Variants in SPACA9 observed in about 807,000 individuals in gnomAD.
The protein encoded by SPACA9 is sperm acrosome associated 9.
SPACA9 carries 14 observed loss-of-function variants against 12.5 expected under a neutral mutation model. The observed-to-expected ratio is 1.12, with a 90% CI of 0.74 to 1.75. The LOEUF is 1.75. Among genes scored for constraint, SPACA9 ranks in the 40% most tolerant of loss-of-function variants. The pLI is 0.00. For missense variants in SPACA9, 292 were observed against 291.9 expected (o/e 1.00, Z 0.00); for synonymous variants, 111 against 114.1 (o/e 0.97, Z 0.17).
Position 132,887,621 on chromosome 9 carries a change from G to A in SPACA9, c.347+50G>A, listed in dbSNP as rs749466638. 1 of 1,520,970 alleles carries A rather than the reference G, an allele frequency of 6.6e-7. No individual in the cohort carries two copies. Among genetic ancestry groups the A allele is most frequent in the East Asian group, 2.2e-5 (1 of 44,474 alleles). 94.2% of individuals were successfully genotyped at this position (1,520,970 alleles called of 1,614,324 possible). On this transcript the variant is annotated intron_variant, in intron 3 of 3. Transcript: ENST00000356311. The surrounding 1 kb of genome is among the most constrained non-coding windows in gnomAD (Gnocchi z 5.4). ...GAGGCCCCGTGTGTGCCTGTGGGGA[G>A]GCCTCTGTCCTGCTTCTTTCCTGTT... is the stretch of plus-strand genomic sequence containing the variant.
chr9:132,883,218 G>A (rs987397586), intron 1 of SPACA9, among the ~76,000 whole-genome samples: 2 of 152,138 alleles, frequency 1.3e-5, no homozygotes, highest in African/African-American at 4.8e-5. Flanking sequence ...AGGGTCAGGG[G>A]GCAGTCCACT....
upstream of SPACA9, chr9:132,878,378 C>T: frequency 8.0e-7 from 1 of 1,246,902 alleles, no homozygotes; most frequent in South Asian, 3.9e-5. The surrounding 1 kb of genome is among the most constrained non-coding windows in gnomAD (Gnocchi z 4.7). Flanking sequence ...ATACCCGATC[C>T]TCGGTCGCGC....
chr9:132,881,356 T>C (rs941052406), intron 1 of SPACA9, among the ~76,000 whole-genome samples: 1 of 148,736 alleles, frequency 6.7e-6, no homozygotes, highest in African/African-American at 2.5e-5. Context: ...AGGTCCCAGC[T>C]ACTCAAGAGG....
chr9:132,888,688 G>C lies in SPACA9; in HGVS notation c.*77G>C. The C allele has an allele frequency of 6.8e-7, 1 of 1,461,772 alleles. No homozygotes were observed. Among genetic ancestry groups the C allele is most frequent in the Non-Finnish European group, 9.0e-7 (1 of 1,105,874 alleles). The allele number at this position is 1,461,772 out of a possible 1,614,324, so 90.6% of individuals were successfully genotyped here. Reference sequence around the variant, plus strand: ...TTACTGGTTGGTCCTTTTTTCACTGGTACCCATGGACCCTGCCACTTACTA... The same window carrying C: ...TTACTGGTTGGTCCTTTTTTCACTGCTACCCATGGACCCTGCCACTTACTA... On this transcript the variant is annotated 3_prime_UTR_variant, in exon 4 of 4. Coordinates refer to ENST00000356311, the MANE Select transcript of SPACA9 (RefSeq NM_001316897.2). This position sits in a 1 kb window ranked among gnomAD's most constrained non-coding sequence, Gnocchi z 5.0.
At chr9:132,878,376 TC>T (rs1360132378), upstream of SPACA9, 1 of 1,245,382 alleles carries the variant, frequency 8.0e-7, no homozygotes, top group Non-Finnish European at 1.0e-6. This position sits in a 1 kb window ranked among gnomAD's most constrained non-coding sequence, Gnocchi z 4.7. Context: ...AGATACCCGA[TC>T]CTCGGTCGCG....
intron 1 of SPACA9, among the ~76,000 whole-genome samples, chr9:132,882,368 C>T (rs974375234): frequency 4.9e-4 from 75 of 152,242 alleles, no homozygotes; most frequent in African/African-American, 1.7e-3. Context: ...CATCATCTCG[C>T]GGAGGCCATC....
In SPACA9 at chr9:132,888,197, G is replaced by A; in HGVS notation, c.348-93G>A. Reference sequence around the variant, plus strand: ...GTGTCCAGTTCTAAAGCCTCCCCAGGTGACTCTGCTGTGCCTGAGGTGTGG... The same window carrying A: ...GTGTCCAGTTCTAAAGCCTCCCCAGATGACTCTGCTGTGCCTGAGGTGTGG... On this transcript the variant is annotated intron_variant, in intron 3 of 3. Transcript: ENST00000356311. The surrounding 1 kb of genome is among the most constrained non-coding windows in gnomAD (Gnocchi z 5.0). The A allele has an allele frequency of 6.5e-7, 1 of 1,531,072 alleles. No homozygotes were observed. 94.8% of individuals were successfully genotyped at this position (1,531,072 alleles called of 1,614,324 possible). A position where few individuals can be genotyped will look rare whatever the true frequency, so the allele number is the denominator to read the frequency against.
At position 132,888,734 on chromosome 9, in the gene SPACA9, T is replaced by C; in HGVS notation, c.*123T>C. 7.0e-7 allele frequency: 1 copy of C among 1,435,686 alleles called. No homozygotes were observed. The highest frequency in any genetic ancestry group is 9.1e-7 in the Non-Finnish European group (1 of 1,094,996). 88.9% of individuals were successfully genotyped at this position (1,435,686 alleles called of 1,614,324 possible). On this transcript the variant is annotated 3_prime_UTR_variant, in exon 4 of 4. Transcript: ENST00000356311. The surrounding 1 kb of genome is among the most constrained non-coding windows in gnomAD (Gnocchi z 5.0). The stretch of plus-strand genomic sequence containing the variant: ...TACTAACCCCAAGGGAATCAGCCAA[T>C]ATATTACTGAGACTTCCTCTCTCTC...
At position 132,879,653 on chromosome 9, in the gene SPACA9, A is replaced by G. The variant is rs1006327170; in HGVS notation, c.-38+639A>G. Among the ~76,000 whole-genome samples the G allele has an allele frequency of 3.9e-5, 6 of 152,196 alleles. 1 individual carries two copies. The highest frequency in any genetic ancestry group is 1.4e-4 in the African/African-American group (6 of 41,444). On this transcript the variant is annotated intron_variant, in intron 1 of 3. Coordinates refer to ENST00000356311, the MANE Select transcript of SPACA9 (RefSeq NM_001316897.2). ...GATGAGAAGTTGGAGGATTAGAACA[A>G]TGAGGAGTGGTTGGCTGGGTAACTT...
At position 132,888,714 on chromosome 9, in the gene SPACA9, A is replaced by G; in HGVS notation, c.*103A>G. 6.9e-7 allele frequency: 1 copy of G among 1,445,698 alleles called. No homozygotes were observed. Among genetic ancestry groups the G allele is most frequent in the Non-Finnish European group, 9.1e-7 (1 of 1,098,866 alleles). 89.6% of individuals were successfully genotyped at this position (1,445,698 alleles called of 1,614,324 possible). A position where few individuals can be genotyped will look rare whatever the true frequency, so the allele number is the denominator to read the frequency against. On this transcript the variant is annotated 3_prime_UTR_variant, in exon 4 of 4. Coordinates refer to ENST00000356311, the MANE Select transcript of SPACA9 (RefSeq NM_001316897.2). This position sits in a 1 kb window ranked among gnomAD's most constrained non-coding sequence, Gnocchi z 5.0. ...TACCCATGGACCCTGCCACTTACTAACCCCAAGGGAATCAGCCAATATATT... is the reference window on the plus strand; with the variant it reads ...TACCCATGGACCCTGCCACTTACTAGCCCCAAGGGAATCAGCCAATATATT...
intron 1 of SPACA9, 93 bp from the exon 2 acceptor site, chr9:132,883,818 T>C (rs1292321674): frequency 4.0e-6 from 4 of 1,002,822 alleles, no homozygotes; most frequent in Non-Finnish European, 6.2e-6. Flanking sequence ...AGAGGGGCCA[T>C]GGGTATCCCT....
chr9:132,881,687 G>A (rs1244469621), intron 1 of SPACA9, among the ~76,000 whole-genome samples: 2 of 150,904 alleles, frequency 1.3e-5, no homozygotes, highest in Non-Finnish European at 3.0e-5. Flanking sequence ...TTTGAGACAG[G>A]GTCTCACTGT....
chr9:132,885,092 G>A (rs980637831), intron 2 of SPACA9, among the ~76,000 whole-genome samples: 1 of 151,676 alleles, frequency 6.6e-6, no homozygotes, highest in African/African-American at 2.4e-5. Context: ...CAGCCTGGGC[G>A]ACAGAGTGAG....
downstream of SPACA9, chr9:132,890,176 C>T (rs1049769295): frequency 3.2e-5 from 13 of 410,476 alleles, no homozygotes; most frequent in African/African-American, 1.6e-4. Flanking sequence ...TGTCTCAAGT[C>T]GGCTTCTAAG....
chr9:132,888,654 A>G lies in SPACA9; in HGVS notation c.*43A>G. ...CGTCGGCGGAGAGCTTTGCTGTTTA[A>G]TTTGGATTTTACTGGTTGGTCCTTT... On this transcript the variant is annotated 3_prime_UTR_variant, in exon 4 of 4. Coordinates refer to ENST00000356311, the MANE Select transcript of SPACA9 (RefSeq NM_001316897.2). The surrounding 1 kb of genome is among the most constrained non-coding windows in gnomAD (Gnocchi z 5.0). 1 of 1,482,114 alleles carries G rather than the reference A, an allele frequency of 6.7e-7. No homozygotes were observed. Among genetic ancestry groups the G allele is most frequent in the South Asian group, 1.4e-5 (1 of 72,036 alleles). The allele number at this position is 1,482,114 out of a possible 1,614,324, so 91.8% of individuals were successfully genotyped here. A position where few individuals can be genotyped will look rare whatever the true frequency, so the allele number is the denominator to read the frequency against.
chr9:132,883,802 C>T, intron 1 of SPACA9, 109 bp from the exon 2 acceptor site: 2 of 858,538 alleles, frequency 2.3e-6, no homozygotes, highest in Non-Finnish European at 3.7e-6. Flanking sequence ...ACAAGGCGCT[C>T]CAGTGAGAGG....
At position 132,887,328 on chromosome 9, in the gene SPACA9, G is replaced by C. The variant is rs1458708194; in HGVS notation, c.145-41G>C. 1 of 1,586,292 alleles carries C rather than the reference G, an allele frequency of 6.3e-7. No homozygotes were observed. Among genetic ancestry groups the C allele is most frequent in the Non-Finnish European group, 8.6e-7 (1 of 1,165,000 alleles). On this transcript the variant is annotated intron_variant, in intron 2 of 3. Coordinates refer to ENST00000356311, the MANE Select transcript of SPACA9 (RefSeq NM_001316897.2). The surrounding 1 kb of genome is among the most constrained non-coding windows in gnomAD (Gnocchi z 5.4). ...TGCACCATAAGCCAGCCAGGACCCG[G>C]GTTGGCATGTCCCCAGCTCATGTGG... is the stretch of plus-strand genomic sequence containing the variant.
At position 132,889,301 on chromosome 9, in the gene SPACA9, C is replaced by G. The variant is rs979463126; in HGVS notation, c.*690C>G. 4 of 985,640 alleles carry G rather than the reference C, an allele frequency of 4.1e-6. No homozygotes were observed. The African/African-American group carries it at 7.0e-5, about 17-fold the overall frequency. 61.1% of individuals were successfully genotyped at this position (985,640 alleles called of 1,614,324 possible). The stretch of plus-strand genomic sequence containing the variant: ...TGATCAAGCTGGAGACCATCTGCTC[C>G]TTGCCCCACCACCAGCCCCAACTGT... On this transcript the variant is annotated 3_prime_UTR_variant, in exon 4 of 4. Transcript: ENST00000356311.
intron 2 of SPACA9, among the ~76,000 whole-genome samples, chr9:132,886,798 C>G (rs1294895374): frequency 1.3e-5 from 2 of 151,678 alleles, no homozygotes; most frequent in Non-Finnish European, 2.9e-5. Context: ...CCCATCCATC[C>G]GTCCATTTAA....
Sources: gnomAD v4.1 joint callset for allele counts (sites outside exome capture counted in the v4.1 genomes callset) on GRCh38, gnomAD v4.1.1 for gene constraint, Gnocchi (gnomAD v3.1) non-coding constraint, MANE v1.5 for transcripts, NCBI Gene and HGNC (gene_info 2026-07-23, HGNC 2026-07-21) for gene names.